MGMT: variants seen among roughly 807,000 people sequenced by gnomAD.
The protein encoded by MGMT is methylated-DNA--protein-cysteine methyltransferase.
MGMT carries 14 observed loss-of-function variants against 15.9 expected under a neutral mutation model. The observed-to-expected ratio is 0.88, with a 90% CI of 0.58 to 1.37. The LOEUF is 1.37. Ranked by LOEUF, MGMT falls within the 40% of genes most tolerant of loss-of-function variation. The probability of loss-of-function intolerance (pLI) is 0.00; values close to 1 mark genes in which losing one functional copy is unlikely to be tolerated. For synonymous variants in MGMT, 130 were observed against 118.2 expected (o/e 1.10, Z -0.65); for missense variants, 282 against 268.1 (o/e 1.05, Z -0.36).
chr10:129,588,093 A>C (rs886725139), intron 2 of MGMT, among the ~76,000 whole-genome samples: 2 of 152,188 alleles, frequency 1.3e-5, no homozygotes, highest in Non-Finnish European at 2.9e-5. Flanking sequence ...TCCCACAACC[A>C]AGGCAGGATT....
chr10:129,692,503 A>G (rs1205353743), intron 2 of MGMT, among the ~76,000 whole-genome samples: 1 of 152,208 alleles, frequency 6.6e-6, no homozygotes, highest in Non-Finnish European at 1.5e-5. Context: ...ATTTACAAAA[A>G]CAGATGGTGG....
chr10:129,522,488 G>A (rs574422437), intron 1 of MGMT, among the ~76,000 whole-genome samples: 1 of 152,312 alleles, frequency 6.6e-6, no homozygotes, highest in Admixed American at 6.5e-5. Flanking sequence ...CTCTTTGTCC[G>A]TAGGATCTGC....
chr10:129,758,022 T>C (rs536010798), intron 3 of MGMT, among the ~76,000 whole-genome samples: 38 of 152,356 alleles, frequency 2.5e-4, no homozygotes, highest in Admixed American at 1.4e-3. Flanking sequence ...CCATGTAAAT[T>C]AATGAACAAC....
At chr10:129,744,570 C>G (rs970826207) in intron 3 of MGMT, among the ~76,000 whole-genome samples, 1 of 152,260 alleles carries the variant, frequency 6.6e-6, no homozygotes, top group Non-Finnish European at 1.5e-5. Context: ...CATGCCTGAC[C>G]TGAGCCTGAG....
intron 3 of MGMT, among the ~76,000 whole-genome samples, chr10:129,746,427 CT>C (rs60875895): frequency 0.011 from 1,526 of 141,822 alleles, 22 homozygotes; most frequent in African/African-American, 0.034. Context: ...CATATAGTTT[CT>C]TTTTTTTTTT....
intron 3 of MGMT, among the ~76,000 whole-genome samples, chr10:129,746,781 A>G (rs1848700859): frequency 6.6e-6 from 1 of 152,026 alleles, no homozygotes; most frequent in African/African-American, 2.4e-5. Flanking sequence ...GATTTCTCTA[A>G]CCTTTTTTGT....
chr10:129,579,243 T>C (rs866553738), intron 2 of MGMT, among the ~76,000 whole-genome samples: 10 of 152,196 alleles, frequency 6.6e-5, no homozygotes, highest in Middle Eastern at 3.4e-3. Context: ...TTACACGGAG[T>C]GCTGTATTAA....
intron 2 of MGMT, among the ~76,000 whole-genome samples, chr10:129,571,666 G>T (rs1364348636): frequency 6.6e-6 from 1 of 152,174 alleles, no homozygotes; most frequent in Non-Finnish European, 1.5e-5. Context: ...CTGAGAGGTG[G>T]AAGGGGCCAG....
At chr10:129,642,664 T>C (rs1179334640) in intron 2 of MGMT, among the ~76,000 whole-genome samples, 1 of 152,208 alleles carries the variant, frequency 6.6e-6, no homozygotes, top group Non-Finnish European at 1.5e-5. Context: ...TACTAAATGC[T>C]ATTAGCATCT....
At chr10:129,622,365 T>G (rs1847100201) in intron 2 of MGMT, among the ~76,000 whole-genome samples, 1 of 152,230 alleles carries the variant, frequency 6.6e-6, no homozygotes, top group Non-Finnish European at 1.5e-5. Context: ...TCACATATAT[T>G]CATCTCAAAT....
At chr10:129,699,421 G>A (rs563830988) in intron 2 of MGMT, among the ~76,000 whole-genome samples, 1 of 152,082 alleles carries the variant, frequency 6.6e-6, no homozygotes, top group East Asian at 1.9e-4. Flanking sequence ...ACATTAATTT[G>A]AGCCCCAGAT....
At chr10:129,573,444 T>C (rs980659897) in intron 2 of MGMT, among the ~76,000 whole-genome samples, 10 of 152,198 alleles carry the variant, frequency 6.6e-5, no homozygotes, top group Admixed American at 6.5e-4. Flanking sequence ...GGTCAGATTT[T>C]TAAGTCCCTT....
intron 2 of MGMT, among the ~76,000 whole-genome samples, chr10:129,615,633 A>G (rs942019034): frequency 1.4e-4 from 21 of 151,976 alleles, no homozygotes; most frequent in African/African-American, 4.8e-4. Context: ...AGCGTGGTGG[A>G]ATTTTTAAGG....
intron 2 of MGMT, among the ~76,000 whole-genome samples, chr10:129,616,661 C>T (rs1325274973): frequency 2.6e-5 from 4 of 152,218 alleles, no homozygotes; most frequent in Admixed American, 2.6e-4. Flanking sequence ...CATCTAGAAT[C>T]CTGTTTGAGA....
intron 2 of MGMT, among the ~76,000 whole-genome samples, chr10:129,567,138 G>C (rs147394505): frequency 6.6e-6 from 1 of 152,124 alleles, no homozygotes; most frequent in African/African-American, 2.4e-5. Flanking sequence ...AAATGCCTTT[G>C]TGCTTCTCCC....
rs117821646 is a variant in MGMT, at chr10:129,651,754, A to G, written c.126-56141A>G. On this transcript the variant is annotated intron_variant, in intron 2 of 4. Transcript: ENST00000651593. ...CATTTCGTATTTGGTTTGATTAAAGACAAAATTCACCCATCAAAAGGAAGA... is the reference window on the plus strand; with the variant it reads ...CATTTCGTATTTGGTTTGATTAAAGGCAAAATTCACCCATCAAAAGGAAGA... Among the ~76,000 whole-genome samples, 677 of 152,328 alleles carry G rather than the reference A, an allele frequency of 4.4e-3. 4 individuals are homozygous for G. The highest frequency in any genetic ancestry group is 0.01 in the Middle Eastern group (3 of 294).
At chr10:129,633,236 T>C (rs1433126508) in intron 2 of MGMT, among the ~76,000 whole-genome samples, 1 of 152,218 alleles carries the variant, frequency 6.6e-6, no homozygotes, top group Non-Finnish European at 1.5e-5. Context: ...GCTTCTCTTA[T>C]CATGGTGGAA....
chr10:129,638,440 A>G (rs1289047424), intron 2 of MGMT, among the ~76,000 whole-genome samples: 7 of 119,256 alleles, frequency 5.9e-5, no homozygotes, highest in South Asian at 3.0e-4. Flanking sequence ...AAAAAAAAAA[A>G]AAAAAGAAAA....
At chr10:129,652,031 C>T (rs1033557432) in intron 2 of MGMT, among the ~76,000 whole-genome samples, 3 of 152,164 alleles carry the variant, frequency 2.0e-5, no homozygotes, top group East Asian at 3.9e-4. Flanking sequence ...ACTGAGTGCC[C>T]GAGAGGAAAG....
Sources: allele counts gnomAD v4.1 joint callset (sites outside exome capture counted in the v4.1 genomes callset), GRCh38; gene constraint gnomAD v4.1.1; transcripts MANE v1.5; gene names NCBI Gene and HGNC (gene_info 2026-07-23, HGNC 2026-07-21).